Variants in SEC31A observed in about 807,000 individuals in gnomAD.
SEC31A encodes protein transport protein Sec31A.
Under a neutral mutation model 151.0 loss-of-function variants are expected in SEC31A, and 70 were observed. The ratio of observed to expected loss-of-function variants is 0.46; its 90% CI spans 0.38 to 0.57. SEC31A has a LOEUF of 0.57. Among genes scored for constraint, SEC31A ranks in the 20% least tolerant of loss-of-function variants. The pLI is 0.00. For missense variants in SEC31A, 1,330 were observed against 1,471.2 expected (o/e 0.90, Z 1.57); for synonymous variants, 475 against 505.9 (o/e 0.94, Z 0.82).
At chr4:82,871,193 T>C (rs949906230) in intron 7 of SEC31A, among the ~76,000 whole-genome samples, 2 of 152,224 alleles carry the variant, frequency 1.3e-5, no homozygotes, top group African/African-American at 4.8e-5. Flanking sequence ...ATACGTATCA[T>C]TTTGTGGAAA....
intron 22 of SEC31A, among the ~76,000 whole-genome samples, chr4:82,841,465 T>TATATATATATATAA (rs200595591): frequency 9.7e-6 from 1 of 103,204 alleles, no homozygotes; most frequent in Non-Finnish European, 2.0e-5. Context: ...TATATATATA[T>TATATATATATATAA]ATACACACAC....
rs561925943 is a variant in SEC31A, at chr4:82,856,889, CAG to C, written c.1881+61_1881+62del. 2.9e-4 allele frequency: 386 copies of C among 1,326,896 alleles called. 7 individuals carry two copies. The South Asian group carries it at 4.7e-3, about 16-fold the overall frequency. The allele number at this position is 1,326,896 out of a possible 1,614,324, so 82.2% of individuals were successfully genotyped here. On this transcript the variant is annotated intron_variant, in intron 16 of 26. Transcript: ENST00000395310. ...TCTGCATTTCAGTTATCTATAATAA[CAG>C]TGTATTGTTTTTATAATTAGAAAGA...
chr4:82,861,069 TAAAA>T (rs57273848), intron 14 of SEC31A, among the ~76,000 whole-genome samples: 3 of 143,092 alleles, frequency 2.1e-5, no homozygotes, highest in Admixed American at 7.0e-5. Flanking sequence ...CATTAGTGGT[TAAAA>T]AAAAAAAAAC....
chr4:82,867,041 G>C, intron 9 of SEC31A, 81 bp from the exon 10 acceptor site: 3 of 1,550,838 alleles, frequency 1.9e-6, no homozygotes, highest in Non-Finnish European at 2.6e-6. Context: ...AAAAATTTTT[G>C]ATCACAATTG....
At chr4:82,837,439 C>T (rs963143870) in intron 22 of SEC31A, among the ~76,000 whole-genome samples, 3 of 151,688 alleles carry the variant, frequency 2.0e-5, no homozygotes, top group Admixed American at 1.3e-4. Flanking sequence ...GTCTCACTGC[C>T]GCCTAGGTGC....
At position 82,819,025 on chromosome 4, in the gene SEC31A, A is replaced by G; in HGVS notation, c.*49T>C. ...ATGTCTTATAATTTTTTTTTTTAAC[A>G]TGTTTCTTTGGAAAAATGGCAATAT... On this transcript the variant is annotated 3_prime_UTR_variant, in exon 27 of 27. Coordinates refer to ENST00000395310, the MANE Select transcript of SEC31A (RefSeq NM_001077207.4). 6.6e-7 allele frequency: 1 copy of G among 1,511,252 alleles called. No homozygotes were observed. The highest frequency in any genetic ancestry group is 2.2e-5 in the Admixed American group (1 of 45,876). 93.6% of individuals were successfully genotyped at this position (1,511,252 alleles called of 1,614,324 possible).
intron 3 of SEC31A, chr4:82,898,190 A>T (rs1720145046): frequency 6.6e-6 from 1 of 152,262 alleles, no homozygotes; most frequent in Non-Finnish European, 1.5e-5. Context: ...TCATTATGTG[A>T]ACAGCAGTGA....
At chr4:82,856,701 A>G (rs1732754491) in intron 16 of SEC31A, among the ~76,000 whole-genome samples, 1 of 152,078 alleles carries the variant, frequency 6.6e-6, no homozygotes, top group African/African-American at 2.4e-5. Flanking sequence ...CAGTGAGTCA[A>G]GATCACGCCA....
At chr4:82,878,628 T>C in intron 4 of SEC31A, 102 bp downstream of exon 4, 1 of 953,170 alleles carries the variant, frequency 1.0e-6, no homozygotes, top group South Asian at 1.6e-5. Flanking sequence ...ATAGCCACAG[T>C]TTTTTAACTT....
Position 82,851,531 on chromosome 4 carries a change from C to T in SEC31A, c.2228G>A (p.Gly743Glu). 1 of 1,614,010 alleles carries T rather than the reference C, an allele frequency of 6.2e-7. No individual in the cohort carries two copies. Among genetic ancestry groups the T allele is most frequent in the African/African-American group, 1.3e-5 (1 of 75,048 alleles). The stretch of plus-strand genomic sequence containing the variant: ...ACTCATCTTCGCAGCCAAGAGAACT[C>T]CTACAGTACTAGTGTCCATGGCTTG... ...LTQAMDTSTV[G>E]VLLAAKMSQY... The change falls in exon 19 of 27, where the codon GGA (glycine) becomes GAA (glutamate). Residue 743 changes from glycine (G) to glutamate (E), a missense_variant. Coordinates refer to ENST00000395310, the MANE Select transcript of SEC31A (RefSeq NM_001077207.4).
intron 21 of SEC31A, among the ~76,000 whole-genome samples, chr4:82,843,082 A>G (rs1483759218): frequency 6.6e-6 from 1 of 151,878 alleles, no homozygotes; most frequent in East Asian, 1.9e-4. Context: ...AAGGCAGCCA[A>G]CTCATGTTTT....
intron 8 of SEC31A, among the ~76,000 whole-genome samples, chr4:82,869,481 A>G (rs1027959995): frequency 6.6e-6 from 1 of 152,038 alleles, no homozygotes; most frequent in Non-Finnish European, 1.5e-5. Flanking sequence ...TCTTCCTTCA[A>G]AGTCCAAGCA....
intron 11 of SEC31A, 48 bp from the exon 12 acceptor site, chr4:82,863,440 G>T (rs1734607910): frequency 9.3e-7 from 1 of 1,071,762 alleles, no homozygotes. Flanking sequence ...ACATTTAAAG[G>T]CCGAATTTTT....
intron 2 of SEC31A, 97 bp downstream of exon 2, chr4:82,881,751 CAGGGAGAGAG>C: frequency 2.4e-6 from 2 of 818,330 alleles, no homozygotes; most frequent in Non-Finnish European, 2.1e-6. Context: ...AGTAACTTGC[CAGGGAGAGAG>C]AGGCTTTCTA....
At position 82,871,311 on chromosome 4, in the gene SEC31A, TACACAC is replaced by T. The variant is rs10548601; in HGVS notation, c.782+627_782+632del. 3.7e-3 allele frequency: 4,875 copies of T among 1,307,756 alleles called. 1 individual carries two copies. Among genetic ancestry groups the T allele is most frequent in the East Asian group, 0.013 (467 of 34,694 alleles). 81.0% of individuals were successfully genotyped at this position (1,307,756 alleles called of 1,614,324 possible). A position where few individuals can be genotyped will look rare whatever the true frequency, so the allele number is the denominator to read the frequency against. On this transcript the variant is annotated intron_variant, in intron 7 of 26. Transcript: ENST00000395310. ...AAATTATATTGGGATTATACATGCA[TACACAC>T]ACACACACACACACACACACAAGTA...
Position 82,841,447 on chromosome 4 carries a change from T to TATATATATATATATAC in SEC31A, c.2968+692_2968+693insGTATATATATATATAT, listed in dbSNP as rs1728765423. ...CAAAAAAGAAAAAAAAAATTTTATA[T>TATATATATATATATAC]ATATATATATATATATATATACACA... On this transcript the variant is annotated intron_variant, in intron 22 of 26. Transcript: ENST00000395310. Among the ~76,000 whole-genome samples, 5 of 45,724 alleles carry TATATATATATATATAC rather than the reference T, an allele frequency of 1.1e-4. No homozygotes were observed. In the South Asian group the frequency reaches 5.7e-3, roughly 52 times the overall value. 30.0% of individuals were successfully genotyped at this position (45,724 alleles called of 152,430 possible).
chr4:82,893,815 G>C (rs1245285432), upstream of SEC31A: 3 of 152,256 alleles, frequency 2.0e-5, no homozygotes. Flanking sequence ...TGTAAGTGAT[G>C]ATACCAGCTA....
intron 7 of SEC31A, chr4:82,871,619 T>C (rs1466096858): frequency 1.8e-6 from 1 of 548,358 alleles, no homozygotes; most frequent in Admixed American, 3.4e-5. Flanking sequence ...CTACTAAAAC[T>C]ATGAAAATTA....
chr4:82,840,126 A>C (rs1272875430), intron 22 of SEC31A, among the ~76,000 whole-genome samples: 1 of 152,224 alleles, frequency 6.6e-6, no homozygotes. Context: ...ATAACTCCTA[A>C]GAAACTCAGT....
Sources: allele counts gnomAD v4.1 joint callset (sites outside exome capture counted in the v4.1 genomes callset), GRCh38; gene constraint gnomAD v4.1.1; transcripts MANE v1.5; gene names NCBI Gene and HGNC (gene_info 2026-07-23, HGNC 2026-07-21).